LRRC37A2: variants seen among roughly 807,000 people sequenced by gnomAD.
The protein encoded by LRRC37A2 is leucine rich repeat containing 37 member A2.
In LRRC37A2, 9 loss-of-function variants were observed where a neutral mutation model predicts 68.8. The ratio of observed to expected loss-of-function variants is 0.13; its 90% CI spans 0.08 to 0.23. The LOEUF (loss-of-function observed/expected upper bound fraction) is 0.23. LRRC37A2 is among the 10% of genes least tolerant of loss of function. The pLI, the probability that LRRC37A2 is intolerant of heterozygous loss-of-function variation, is 1.00. For missense variants in LRRC37A2, 168 were observed against 950.4 expected, an observed-to-expected ratio of 0.18 and a Z score of 10.82; for synonymous variants, 63 against 367.6, an observed-to-expected ratio of 0.17 and a Z score of 9.48.
chr17:46,943,141 G>C, the LRRC37A2 span, among the ~76,000 whole-genome samples: 1 of 152,164 alleles, frequency 6.6e-6, no homozygotes, highest in Non-Finnish European at 1.5e-5. Flanking sequence ...ATCAACCCAA[G>C]GCTAGCCCGT....
the LRRC37A2 span, among the ~76,000 whole-genome samples, chr17:46,993,550 T>G: frequency 6.6e-6 from 1 of 152,278 alleles, no homozygotes; most frequent in Non-Finnish European, 1.5e-5. Flanking sequence ...TTGCCAAAGC[T>G]GGGCCTGCCC....
the LRRC37A2 span, among the ~76,000 whole-genome samples, chr17:46,916,989 C>G: frequency 9.2e-5 from 14 of 152,294 alleles, no homozygotes; most frequent in Admixed American, 3.3e-4. Flanking sequence ...GACCCAATTG[C>G]CTCCCAAAGG....
At chr17:46,893,220 C>T in the LRRC37A2 span, among the ~76,000 whole-genome samples, 1 of 152,166 alleles carries the variant, frequency 6.6e-6, no homozygotes, top group Non-Finnish European at 1.5e-5. Flanking sequence ...AGGCATGAGC[C>T]ACCGCGCTTG....
the LRRC37A2 span, chr17:46,755,804 G>A: frequency 1.9e-6 from 3 of 1,606,722 alleles, no homozygotes; most frequent in Non-Finnish European, 1.7e-6. Context: ...TTTTGCAGTA[G>A]CCCCCTTGAT....
the LRRC37A2 span, chr17:46,714,112 A>C: frequency 1.1e-6 from 1 of 948,114 alleles, no homozygotes; most frequent in East Asian, 3.1e-5. Flanking sequence ...AAGTGGAACC[A>C]AATTATCAGC....
At chr17:46,886,497 G>A in the LRRC37A2 span, 4 of 152,156 alleles carry the variant, frequency 2.6e-5, no homozygotes, top group Non-Finnish European at 5.9e-5. Flanking sequence ...GCAAAAAGTG[G>A]TAACAAATAG....
At chr17:46,791,768 G>A in the LRRC37A2 span, among the ~76,000 whole-genome samples, 1 of 152,226 alleles carries the variant, frequency 6.6e-6, no homozygotes, top group Non-Finnish European at 1.5e-5. Context: ...TCTCTGGCAT[G>A]GTGGCGCATG....
chr17:47,015,074 C>T, the LRRC37A2 span, among the ~76,000 whole-genome samples: 1 of 134,278 alleles, frequency 7.4e-6, no homozygotes, highest in Non-Finnish European at 1.5e-5. Context: ...GTGGTACGAT[C>T]TCAGCTCATT....
At chr17:46,930,089 T>C in the LRRC37A2 span, 1 of 156,224 alleles carries the variant, frequency 6.4e-6, no homozygotes, top group Non-Finnish European at 1.4e-5. Flanking sequence ...GTCCTTTTTC[T>C]GAGTTGGTCA....
the LRRC37A2 span, chr17:46,751,497 T>C: frequency 1.2e-6 from 2 of 1,609,202 alleles, no homozygotes; most frequent in Admixed American, 3.3e-5. Context: ...TTTATTGTTT[T>C]TGTAGCTTTT....
chr17:46,806,822 G>A, the LRRC37A2 span, among the ~76,000 whole-genome samples: 6 of 152,330 alleles, frequency 3.9e-5, no homozygotes, highest in East Asian at 7.7e-4. Flanking sequence ...ATCCCTGGCC[G>A]CCGCTCCCCT....
chr17:46,896,403 A>AAAG, the LRRC37A2 span, among the ~76,000 whole-genome samples: 4 of 70,134 alleles, frequency 5.7e-5, no homozygotes, highest in Non-Finnish European at 7.2e-5. Flanking sequence ...AGAAAGAAAG[A>AAAG]AAGAAAGAAA....
the LRRC37A2 span, among the ~76,000 whole-genome samples, chr17:46,418,215 T>TTGTGTGTGTG: frequency 3.2e-5 from 2 of 62,630 alleles, no homozygotes; most frequent in Admixed American, 1.7e-4. Flanking sequence ...GTGTGTGTGT[T>TTGTGTGTGTG]TGTGTGTGTG....
At chr17:46,895,805 C>T in the LRRC37A2 span, among the ~76,000 whole-genome samples, 8 of 152,176 alleles carry the variant, frequency 5.3e-5, no homozygotes, top group Non-Finnish European at 1.0e-4. Flanking sequence ...AAGAATCTTG[C>T]CTTGTTTGGA....
At chr17:46,744,884 C>CT in the LRRC37A2 span, among the ~76,000 whole-genome samples, 9 of 152,132 alleles carry the variant, frequency 5.9e-5, no homozygotes, top group African/African-American at 1.9e-4. Context: ...AATTAGTTAA[C>CT]TAATACTTAT....
At chr17:46,781,888 G>T in the LRRC37A2 span, among the ~76,000 whole-genome samples, 263 of 152,250 alleles carry the variant, frequency 1.7e-3, 4 homozygotes, top group East Asian at 0.04. Context: ...CATTTTCCGG[G>T]GTCACACAGC....
chr17:46,543,831 G>T (rs1399521770), intron 8 of LRRC37A2, among the ~76,000 whole-genome samples: 1 of 150,580 alleles, frequency 6.6e-6, no homozygotes, highest in Non-Finnish European at 1.5e-5. Flanking sequence ...GGCAGAAAAA[G>T]AATACCAAAA....
the LRRC37A2 span, among the ~76,000 whole-genome samples, chr17:46,816,133 A>ACACACACACT: frequency 2.7e-5 from 1 of 37,582 alleles, no homozygotes; most frequent in African/African-American, 8.4e-5. Flanking sequence ...ACACACACTC[A>ACACACACACT]CACACACGCA....
chr17:46,818,870 A>C, the LRRC37A2 span: 7 of 494,932 alleles, frequency 1.4e-5, no homozygotes, highest in East Asian at 7.0e-5. Context: ...CCGGCCCACA[A>C]CTCGGGCTCC....
Sources: gnomAD v4.1 joint callset for allele counts (sites outside exome capture counted in the v4.1 genomes callset) on GRCh38, gnomAD v4.1.1 for gene constraint, MANE v1.5 for transcripts, NCBI Gene and HGNC (gene_info 2026-07-23, HGNC 2026-07-21) for gene names.